Variants in PCDHGB1 observed in about 807,000 individuals in gnomAD.
PCDHGB1 encodes the protein protocadherin gamma-B1.
A neutral mutation model predicts 56.6 loss-of-function variants in PCDHGB1; 34 were observed. That is an observed-to-expected ratio of 0.60 (90% CI 0.46 to 0.80). PCDHGB1 has a LOEUF of 0.80. Among genes scored for constraint, PCDHGB1 ranks in the 30% least tolerant of loss-of-function variants. The probability of loss-of-function intolerance (pLI) is 0.00; values close to 1 mark genes in which losing one functional copy is unlikely to be tolerated. For missense variants in PCDHGB1, 1,278 were observed against 1,204.6 expected, an observed-to-expected ratio of 1.06 and a Z score of -0.90; for synonymous variants, 561 against 505.9, an observed-to-expected ratio of 1.11 and a Z score of -1.46.
At chr5:141,421,813 G>A in intron 1 of PCDHGB1, 1 of 1,613,838 alleles carries the variant, frequency 6.2e-7, no homozygotes, top group Non-Finnish European at 8.5e-7. Flanking sequence ...TCCAGAGCTA[G>A]TACTGGAGGG....
chr5:141,358,540 G>C (rs191289773), intron 1 of PCDHGB1, among the ~76,000 whole-genome samples: 1 of 152,152 alleles, frequency 6.6e-6, no homozygotes, highest in Admixed American at 6.5e-5. Context: ...ATATTTTCTT[G>C]TTGCTGTTCT....
intron 1 of PCDHGB1, among the ~76,000 whole-genome samples, chr5:141,435,794 C>T (rs993951734): frequency 2.6e-5 from 4 of 151,934 alleles, no homozygotes; most frequent in Admixed American, 6.6e-5. Flanking sequence ...GGAAACATAA[C>T]GTCCCAATTA....
At chr5:141,427,615 A>G (rs1428096450) in intron 1 of PCDHGB1, 2 of 693,732 alleles carry the variant, frequency 2.9e-6, no homozygotes, top group Non-Finnish European at 5.3e-6. Context: ...GGTGAAGTCA[A>G]CGACAATGCT....
Position 141,511,502 on chromosome 5 carries a change from A to C in PCDHGB1, c.*329A>C. The C allele has an allele frequency of 2.0e-5, 8 of 395,260 alleles. No individual in the cohort carries two copies. The highest frequency in any genetic ancestry group is 4.1e-5 in the African/African-American group (2 of 48,892). The allele number at this position is 395,260 out of a possible 1,614,324, so 24.5% of individuals were successfully genotyped here. A position where few individuals can be genotyped will look rare whatever the true frequency, so the allele number is the denominator to read the frequency against. ...CTGAACTCCTCCATCTTCCAAATCA[A>C]TCAGGCCCATCCATCCCATGCCTCC... On this transcript the variant is annotated 3_prime_UTR_variant, in exon 4 of 4. Transcript: ENST00000523390.
intron 1 of PCDHGB1, chr5:141,413,694 C>T: frequency 6.2e-7 from 1 of 1,613,800 alleles, no homozygotes; most frequent in Non-Finnish European, 8.5e-7. Context: ...CCCTGCAGAG[C>T]TATCAGCTCA....
chr5:141,383,651 T>TC, intron 1 of PCDHGB1: 1 of 1,613,922 alleles, frequency 6.2e-7, no homozygotes, highest in Non-Finnish European at 8.5e-7. Flanking sequence ...CAAGTAACTG[T>TC]CCCCGAGAAT....
chr5:141,415,055 C>A (rs767474996), intron 1 of PCDHGB1: 1 of 1,613,402 alleles, frequency 6.2e-7, no homozygotes, highest in Non-Finnish European at 8.5e-7. Context: ...GGGGAGCACA[C>A]GGGCGAGGTG....
chr5:141,477,708 G>T lies in PCDHGB1; in HGVS notation c.2410-17099G>T. ...GTGCCCCTAGACTATGAGGATCGGC[G>T]GGAATTTGAATTAACAGCTCATATC... On this transcript the variant is annotated intron_variant, in intron 1 of 3. Transcript: ENST00000523390. The surrounding 1 kb of genome is among the most constrained non-coding windows in gnomAD (Gnocchi z 4.9). 2 of 1,613,930 alleles carry T rather than the reference G, an allele frequency of 1.2e-6. No individual in the cohort carries two copies. Among genetic ancestry groups the T allele is most frequent in the Non-Finnish European group, 1.7e-6 (2 of 1,180,030 alleles).
chr5:141,497,414 C>A (rs1021294577), intron 2 of PCDHGB1, among the ~76,000 whole-genome samples: 34 of 152,066 alleles, frequency 2.2e-4, no homozygotes, highest in Admixed American at 2.0e-3. Flanking sequence ...CCCATTCCAT[C>A]AAATGAGAGG....
intron 1 of PCDHGB1, chr5:141,375,266 G>C: frequency 6.2e-7 from 1 of 1,613,846 alleles, no homozygotes. Flanking sequence ...ATTTGAATTG[G>C]AAAAATCAGT....
At chr5:141,364,388 C>T in intron 1 of PCDHGB1, 2 of 1,600,174 alleles carry the variant, frequency 1.2e-6, no homozygotes, top group South Asian at 2.3e-5. Context: ...CTTCATGCTC[C>T]TGGGGACGCT....
chr5:141,485,920 T>G lies in PCDHGB1; in HGVS notation c.2410-8887T>G. 4 of 1,614,038 alleles carry G rather than the reference T, an allele frequency of 2.5e-6. No individual in the cohort carries two copies. Among genetic ancestry groups the G allele is most frequent in the Non-Finnish European group, 3.4e-6 (4 of 1,180,010 alleles). ...CCTTCCAGCAATCCAGCTACAGGAT[T>G]AGTGTGTTGGAGAGCGCACCAGCGG... On this transcript the variant is annotated intron_variant, in intron 1 of 3. Transcript: ENST00000523390. The surrounding 1 kb of genome is among the most constrained non-coding windows in gnomAD (Gnocchi z 5.7).
rs115453161 is a variant in PCDHGB1, at chr5:141,365,386, G to A, written c.2409+12717G>A. ...CCCCCGAAGTGATCCTCACCTCTCT[G>A]ACCAGTTCGATCTCTGAAGACTGTC... On this transcript the variant is annotated intron_variant, in intron 1 of 3. Coordinates refer to ENST00000523390, the MANE Select transcript of PCDHGB1 (RefSeq NM_018922.3). 1,074 of 1,613,934 alleles carry A rather than the reference G, an allele frequency of 6.7e-4. 8 individuals carry two copies. In the African/African-American group the frequency reaches 0.012, roughly 19 times the overall value.
intron 1 of PCDHGB1, chr5:141,387,838 A>G: frequency 6.3e-7 from 1 of 1,598,726 alleles, no homozygotes; most frequent in East Asian, 2.2e-5. Context: ...GGTTATTTGT[A>G]ACCCGGCGTC....
chr5:141,432,264 C>A lies in PCDHGB1; in HGVS notation c.2410-62543C>A. On this transcript the variant is annotated intron_variant, in intron 1 of 3. Transcript: ENST00000523390. The surrounding 1 kb of genome is among the most constrained non-coding windows in gnomAD (Gnocchi z 6.0). Reference sequence around the variant, plus strand: ...AACACCATCCAAGGGGCAAGCCTATCGTCCTACGTGTCCATCAACTCCGAC... The same window carrying A: ...AACACCATCCAAGGGGCAAGCCTATAGTCCTACGTGTCCATCAACTCCGAC... 5 of 1,614,252 alleles carry A rather than the reference C, an allele frequency of 3.1e-6. No homozygotes were observed. Among genetic ancestry groups the A allele is most frequent in the Non-Finnish European group, 4.2e-6 (5 of 1,180,044 alleles).
chr5:141,375,235 T>C (rs1335648205), intron 1 of PCDHGB1: 1 of 1,613,872 alleles, frequency 6.2e-7, no homozygotes, highest in Non-Finnish European at 8.5e-7. Flanking sequence ...TGGTAACCTG[T>C]TCCATCCCGA....
In PCDHGB1 at chr5:141,352,029, T is replaced by C. The variant is rs1223261713; in HGVS notation, c.1769T>C (p.Val590Ala). 6.2e-7 allele frequency: 1 copy of C among 1,609,078 alleles called. No individual in the cohort carries two copies. Among genetic ancestry groups the C allele is most frequent in the Non-Finnish European group, 8.5e-7 (1 of 1,179,056 alleles). The change falls in exon 1 of 4, where the codon GTG becomes GCG. Residue 590 changes from valine (V) to alanine (A), a missense_variant. Transcript: ENST00000523390. Reference sequence around the variant, plus strand: ...TACCTGGTGACCAAGGTGGTGGCGGTGGACGCAGACTCAGGACACAACGCT... The same window carrying C: ...TACCTGGTGACCAAGGTGGTGGCGGCGGACGCAGACTCAGGACACAACGCT... ...PGYLVTKVVAVDADSGHNAWL... is the reference protein window; with the variant it reads ...PGYLVTKVVAADADSGHNAWL...
At chr5:141,497,214 G>C (rs929868102) in intron 2 of PCDHGB1, among the ~76,000 whole-genome samples, 2 of 152,138 alleles carry the variant, frequency 1.3e-5, no homozygotes, top group African/African-American at 4.8e-5. Flanking sequence ...TGTAATGGGG[G>C]GGGGAAGATC....
intron 1 of PCDHGB1, chr5:141,398,258 G>T (rs756489359): frequency 2.1e-6 from 3 of 1,454,654 alleles, no homozygotes; most frequent in Non-Finnish European, 2.8e-6. Context: ...ATGCCCAAGG[G>T]CTCCGTAGTG....
Sources: allele counts gnomAD v4.1 joint callset (sites outside exome capture counted in the v4.1 genomes callset), GRCh38; gene constraint gnomAD v4.1.1; non-coding constraint Gnocchi (gnomAD v3.1); transcripts MANE v1.5; gene names NCBI Gene and HGNC (gene_info 2026-07-23, HGNC 2026-07-21).